The following ZEB1 variants were observed in gnomAD, a reference collection of about 807,000 sequenced individuals.
ZEB1 encodes zinc finger E-box binding homeobox 1.
In ZEB1, 21 loss-of-function variants were observed where a neutral mutation model predicts 84.9. That is an observed-to-expected ratio of 0.25 (90% CI 0.18 to 0.36). The LOEUF (loss-of-function observed/expected upper bound fraction) is 0.36, where lower values mean the gene tolerates loss of function less well. Ranked by LOEUF, ZEB1 falls within the 10% of genes least tolerant of loss-of-function variation. ZEB1 has a pLI of 1.00. For synonymous variants in ZEB1, 420 were observed against 471.1 expected (o/e 0.89, Z 1.41); for missense variants, 1,104 against 1,330.2 (o/e 0.83, Z 2.65).
At chr10:31,519,622 T>G (rs2071876673) in intron 6 of ZEB1, among the ~76,000 whole-genome samples, 1 of 152,226 alleles carries the variant, frequency 6.6e-6, no homozygotes, top group African/African-American at 2.4e-5. Flanking sequence ...AGGGAAAAAC[T>G]ATTTTCAAGA....
intron 1 of ZEB1, among the ~76,000 whole-genome samples, chr10:31,343,296 G>C (rs1000426455): frequency 2.6e-5 from 4 of 152,046 alleles, no homozygotes; most frequent in Non-Finnish European, 5.9e-5. Context: ...TTCATTTTTA[G>C]AGATGATTCA....
At chr10:31,464,825 A>C (rs1261976690) in intron 2 of ZEB1, among the ~76,000 whole-genome samples, 1 of 152,214 alleles carries the variant, frequency 6.6e-6, no homozygotes, top group Non-Finnish European at 1.5e-5. Context: ...CAAAAACAAA[A>C]GCTGAGGGAT....
intron 2 of ZEB1, among the ~76,000 whole-genome samples, chr10:31,467,457 A>C (rs1283018281): frequency 6.6e-6 from 1 of 152,178 alleles, no homozygotes; most frequent in East Asian, 1.9e-4. Context: ...GACTGAGGTG[A>C]ATCTAAACCA....
At chr10:31,398,164 T>G (rs1590830587) in intron 1 of ZEB1, among the ~76,000 whole-genome samples, 1 of 152,274 alleles carries the variant, frequency 6.6e-6, no homozygotes, top group South Asian at 2.1e-4. Flanking sequence ...AATATAATCT[T>G]TGTTTTAGAA....
intron 1 of ZEB1, among the ~76,000 whole-genome samples, chr10:31,333,906 CT>C (rs1258045812): frequency 2.0e-5 from 3 of 151,996 alleles, no homozygotes; most frequent in Middle Eastern, 6.8e-3. Context: ...TGTTGTATGG[CT>C]ATATATATCA....
Position 31,361,012 on chromosome 10 carries a change from G to A in ZEB1, c.58+41720G>A. 1.9e-6 allele frequency: 3 copies of A among 1,609,056 alleles called. No homozygotes were observed. The South Asian group carries it at 3.3e-5, about 18-fold the overall frequency. On this transcript the variant is annotated intron_variant, in intron 1 of 8. Coordinates refer to ENST00000424869, the MANE Select transcript of ZEB1 (RefSeq NM_001174096.2). ...GGAGATGGTACAGGCGCTTTACAAGGCTCCTGCTTACCATCTTATTTTGGA... is the reference window on the plus strand; with the variant it reads ...GGAGATGGTACAGGCGCTTTACAAGACTCCTGCTTACCATCTTATTTTGGA...
intron 3 of ZEB1, among the ~76,000 whole-genome samples, chr10:31,497,481 G>A (rs895943799): frequency 2.0e-5 from 3 of 152,120 alleles, no homozygotes; most frequent in Admixed American, 6.6e-5. Flanking sequence ...GATCCCTGCT[G>A]CATTATTCGC....
chr10:31,418,195 A>G (rs995864773), intron 1 of ZEB1, among the ~76,000 whole-genome samples: 2 of 151,942 alleles, frequency 1.3e-5, no homozygotes, highest in African/African-American at 2.4e-5. Flanking sequence ...AAACCTTCCC[A>G]TGTAGGAATG....
chr10:31,346,563 GTT>G (rs143806126), intron 1 of ZEB1, among the ~76,000 whole-genome samples: 2 of 148,938 alleles, frequency 1.3e-5, no homozygotes, highest in Non-Finnish European at 3.0e-5. Context: ...TGCACGTAGA[GTT>G]TTTTTTTTCT....
At chr10:31,337,684 T>G (rs79204872) in intron 1 of ZEB1, among the ~76,000 whole-genome samples, 1 of 90,252 alleles carries the variant, frequency 1.1e-5, no homozygotes, top group East Asian at 2.4e-4. Context: ...TTTCTTTCTG[T>G]TTTTTTTTTT....
At chr10:31,321,097 C>A (rs930157411) in intron 1 of ZEB1, 1 of 993,192 alleles carries the variant, frequency 1.0e-6, no homozygotes, top group Non-Finnish European at 1.2e-6. Flanking sequence ...AAAACTCTCT[C>A]GTGCTCCCCC....
At chr10:31,361,118 A>C in intron 1 of ZEB1, 1 of 1,611,998 alleles carries the variant, frequency 6.2e-7, no homozygotes, top group Non-Finnish European at 8.5e-7. Flanking sequence ...CTTACAGTCA[A>C]GGAAAAAGAA....
intron 1 of ZEB1, among the ~76,000 whole-genome samples, chr10:31,354,702 A>G (rs1387014614): frequency 6.6e-6 from 1 of 152,164 alleles, no homozygotes; most frequent in African/African-American, 2.4e-5. Context: ...CATCCAGAAG[A>G]CTTTAACAGC....
At chr10:31,339,442 G>C (rs968190329) in intron 1 of ZEB1, among the ~76,000 whole-genome samples, 32 of 152,124 alleles carry the variant, frequency 2.1e-4, no homozygotes, top group African/African-American at 7.7e-4. Context: ...AAAAAGGAAA[G>C]CTCTTGCAGT....
chr10:31,463,678 A>G (rs546242199), intron 2 of ZEB1, among the ~76,000 whole-genome samples: 1 of 152,346 alleles, frequency 6.6e-6, no homozygotes, highest in Admixed American at 6.5e-5. Flanking sequence ...TTTGAGAAGT[A>G]GTAACCACAA....
intron 5 of ZEB1, among the ~76,000 whole-genome samples, 196 bp downstream of exon 5, chr10:31,511,071 C>T (rs149131736): frequency 1.1e-4 from 16 of 152,286 alleles, no homozygotes; most frequent in Non-Finnish European, 1.6e-4. Flanking sequence ...CACATATGAA[C>T]GTTACTTTAG....
intron 1 of ZEB1, among the ~76,000 whole-genome samples, chr10:31,345,339 A>G (rs1470488063): frequency 6.6e-6 from 1 of 152,168 alleles, no homozygotes. Flanking sequence ...AATCCTATTA[A>G]ACCTGTTAAA....
At chr10:31,328,311 C>CT (rs2036035390) in intron 1 of ZEB1, among the ~76,000 whole-genome samples, 1 of 152,148 alleles carries the variant, frequency 6.6e-6, no homozygotes, top group Non-Finnish European at 1.5e-5. Flanking sequence ...GGCCGGGTTA[C>CT]TTAGTCTTTT....
intron 1 of ZEB1, among the ~76,000 whole-genome samples, chr10:31,414,732 G>A (rs1243223377): frequency 1.3e-5 from 2 of 152,188 alleles, no homozygotes; most frequent in South Asian, 4.2e-4. Flanking sequence ...GCATCATAGT[G>A]GACACTTCAT....
Sources: allele counts gnomAD v4.1 joint callset (sites outside exome capture counted in the v4.1 genomes callset), GRCh38; gene constraint gnomAD v4.1.1; transcripts MANE v1.5; gene names NCBI Gene and HGNC (gene_info 2026-07-23, HGNC 2026-07-21).